PHC2: variants seen among roughly 807,000 people sequenced by gnomAD.
The protein encoded by PHC2 is polyhomeotic-like protein 2.
A neutral mutation model predicts 87.4 loss-of-function variants in PHC2; 29 were observed. The observed-to-expected ratio is 0.33, with a 90% CI of 0.25 to 0.45. PHC2 has a LOEUF of 0.45. Ranked by LOEUF, PHC2 falls within the 20% of genes least tolerant of loss-of-function variation. PHC2 has a pLI of 1.00. For missense variants in PHC2, 857 were observed against 1,136.7 expected, an observed-to-expected ratio of 0.75 and a Z score of 3.54; for synonymous variants, 438 against 461.7, an observed-to-expected ratio of 0.95 and a Z score of 0.66.
chr1:33,341,730 T>TTTAC (rs1219434999), intron 9 of PHC2, among the ~76,000 whole-genome samples: 2 of 152,360 alleles, frequency 1.3e-5, no homozygotes, highest in Non-Finnish European at 2.9e-5. Flanking sequence ...CAAGTACAGA[T>TTTAC]TGTAAAAGTG....
At chr1:33,427,137 T>TA (rs1050156488) in intron 1 of PHC2, among the ~76,000 whole-genome samples, 2 of 152,190 alleles carry the variant, frequency 1.3e-5, no homozygotes, top group African/African-American at 4.8e-5. Flanking sequence ...GCAATTTACT[T>TA]AGTCTTTCCG....
intron 1 of PHC2, among the ~76,000 whole-genome samples, chr1:33,396,997 T>C (rs889876778): frequency 3.3e-5 from 5 of 152,204 alleles, no homozygotes; most frequent in African/African-American, 1.2e-4. Context: ...TGGAATCAGA[T>C]GGTCTGTGGG....
At chr1:33,348,745 G>A (rs1001900976) in intron 9 of PHC2, among the ~76,000 whole-genome samples, 9 of 152,210 alleles carry the variant, frequency 5.9e-5, no homozygotes, top group Non-Finnish European at 1.3e-4. Flanking sequence ...AAGATGAAAA[G>A]AGTGTGTTCC....
At chr1:33,340,955 G>C (rs4564102) in intron 9 of PHC2, among the ~76,000 whole-genome samples, 2 of 150,106 alleles carry the variant, frequency 1.3e-5, no homozygotes, top group African/African-American at 4.9e-5. Flanking sequence ...TTTGGATCAC[G>C]GGGCACTAGA....
chr1:33,402,091 T>C (rs1649560588), intron 1 of PHC2, among the ~76,000 whole-genome samples: 1 of 152,102 alleles, frequency 6.6e-6, no homozygotes, highest in South Asian at 2.1e-4. Context: ...TCAAAAATAT[T>C]TTAAAAATAC....
rs1007544744 is a variant in PHC2, at chr1:33,334,049, A to C, written c.1761+41T>G. On this transcript the variant is annotated intron_variant, in intron 10 of 14. Transcript: ENST00000683057. The surrounding 1 kb of genome is among the most constrained non-coding windows in gnomAD (Gnocchi z 5.5). Reference sequence around the variant, plus strand: ...TAAAAATATTCTAAGACACATCCAAAATATACTTAAAAAAAAAAGGGGAAA... The same window carrying C: ...TAAAAATATTCTAAGACACATCCAACATATACTTAAAAAAAAAAGGGGAAA... The C allele has an allele frequency of 6.5e-7, 1 of 1,532,612 alleles. No homozygotes were observed. Among genetic ancestry groups the C allele is most frequent in the Non-Finnish European group, 8.9e-7 (1 of 1,124,356 alleles). 94.9% of individuals were successfully genotyped at this position (1,532,612 alleles called of 1,614,324 possible).
rs1052730972 is a variant in PHC2 at position 33,332,074 on chromosome 1, T to C, written c.1891+201A>G. Among the ~76,000 whole-genome samples, 3 of 152,048 alleles carry C rather than the reference T, an allele frequency of 2.0e-5. No individual in the cohort carries two copies. The highest frequency in any genetic ancestry group is 6.6e-5 in the Admixed American group (1 of 15,264). On this transcript the variant is annotated intron_variant, in intron 11 of 14. Coordinates refer to ENST00000683057, the MANE Select transcript of PHC2 (RefSeq NM_001385109.1). This position sits in a 1 kb window ranked among gnomAD's most constrained non-coding sequence, Gnocchi z 4.2. ...GATCCTGTGGTTGGCTGGAGGGGGA[T>C]TGGGGGAGCAGAGGACACATGGTTC...
chr1:33,421,393 T>C (rs901911735), intron 1 of PHC2, among the ~76,000 whole-genome samples: 1 of 152,042 alleles, frequency 6.6e-6, no homozygotes, highest in South Asian at 2.1e-4. Flanking sequence ...AAAATAAGAA[T>C]TTAAATAGCA....
chr1:33,413,253 C>A (rs911971711), intron 1 of PHC2, among the ~76,000 whole-genome samples: 2 of 152,222 alleles, frequency 1.3e-5, no homozygotes, highest in Non-Finnish European at 2.9e-5. Context: ...AGGTGTGAGC[C>A]ACTGTGCCCG....
intron 9 of PHC2, among the ~76,000 whole-genome samples, chr1:33,337,724 T>C (rs1345263570): frequency 2.0e-5 from 3 of 152,196 alleles, no homozygotes; most frequent in Non-Finnish European, 4.4e-5. Context: ...CCTTCTGTTC[T>C]TTCAGGTATT....
At chr1:33,355,277 G>A in intron 7 of PHC2, 24 bp from the exon 8 acceptor site, 1 of 1,535,338 alleles carries the variant, frequency 6.5e-7, no homozygotes, top group Non-Finnish European at 8.8e-7. Context: ...GGCCAGGTTA[G>A]AGAGCATGGC....
At chr1:33,350,728 A>C (rs1570472354) in intron 9 of PHC2, among the ~76,000 whole-genome samples, 7 of 136,822 alleles carry the variant, frequency 5.1e-5, no homozygotes, top group East Asian at 2.1e-4. Context: ...ACCCCTTTCC[A>C]CTCTCAGGCC....
At chr1:33,337,719 T>G (rs573575732) in intron 9 of PHC2, among the ~76,000 whole-genome samples, 37 of 152,336 alleles carry the variant, frequency 2.4e-4, no homozygotes, top group African/African-American at 8.9e-4. Flanking sequence ...AAAGCCCTTC[T>G]GTTCTTTCAG....
chr1:33,401,453 GA>G (rs1649527364), intron 1 of PHC2, among the ~76,000 whole-genome samples: 1 of 152,188 alleles, frequency 6.6e-6, no homozygotes, highest in South Asian at 2.1e-4. Flanking sequence ...TACTAGTTAA[GA>G]AAGTTTGGCA....
chr1:33,416,901 A>AT (rs767491957), intron 1 of PHC2, among the ~76,000 whole-genome samples: 19 of 152,136 alleles, frequency 1.2e-4, no homozygotes, highest in Non-Finnish European at 2.4e-4. Flanking sequence ...ACGTTTCCTC[A>AT]TTTTTTACAT....
chr1:33,379,285 C>A (rs1168587977), intron 1 of PHC2, among the ~76,000 whole-genome samples: 1 of 121,056 alleles, frequency 8.3e-6, no homozygotes, highest in Admixed American at 8.2e-5. Context: ...TTTGTCTCCC[C>A]GCCCACCGCC....
Position 33,349,804 on chromosome 1 carries a change from G to A in PHC2, c.1558+4597C>T. 3.1e-6 allele frequency: 3 copies of A among 977,992 alleles called. No homozygotes were observed. The highest frequency in any genetic ancestry group is 3.6e-6 in the Non-Finnish European group (3 of 825,926). 60.6% of individuals were successfully genotyped at this position (977,992 alleles called of 1,614,324 possible). A position where few individuals can be genotyped will look rare whatever the true frequency, so the allele number is the denominator to read the frequency against. On this transcript the variant is annotated intron_variant, in intron 9 of 14. Transcript: ENST00000683057. The surrounding 1 kb of genome is among the most constrained non-coding windows in gnomAD (Gnocchi z 4.2). ...CGGCCGGGGCGCGAGGCCGGGACGG[G>A]GGCGCGAGGCCGGGGCGGGAGCGCG... is the stretch of plus-strand genomic sequence containing the variant.
rs980106149 is a variant in PHC2, at chr1:33,334,128, C to T, written c.1723G>A (p.Glu575Lys). ...GCCCCCTCCTGGATCACAAACCCTT[C>T]GATAACATGCGTCAGGATTTGGGGT... ...VKPQILTHVI[E>K]GFVIQEGAEP... Residue 575 changes from glutamate (E) to lysine (K), a missense_variant, in exon 10 of 15, where the codon GAA (glutamate) becomes AAA (lysine). Physicochemically the swap from Glu to Lys is moderately conservative, Grantham distance 56. Coordinates refer to ENST00000683057, the MANE Select transcript of PHC2 (RefSeq NM_001385109.1). This position sits in a 1 kb window ranked among gnomAD's most constrained non-coding sequence, Gnocchi z 5.5. 6.2e-7 allele frequency: 1 copy of T among 1,613,720 alleles called. No homozygotes were observed. The highest frequency in any genetic ancestry group is 8.5e-7 in the Non-Finnish European group (1 of 1,179,870).
At chr1:33,363,075 A>G (rs1647241857) in intron 7 of PHC2, 1 of 91,558 alleles carries the variant, frequency 1.1e-5, no homozygotes, top group Non-Finnish European at 2.1e-5. Flanking sequence ...GCCCACAGCA[A>G]CCAGGGAAAT....
Sources: gnomAD v4.1 joint callset for allele counts (sites outside exome capture counted in the v4.1 genomes callset) on GRCh38, gnomAD v4.1.1 for gene constraint, Gnocchi (gnomAD v3.1) non-coding constraint, MANE v1.5 for transcripts, NCBI Gene and HGNC (gene_info 2026-07-23, HGNC 2026-07-21) for gene names.